DCSTAMP: variants seen among roughly 807,000 people sequenced by gnomAD.
The protein encoded by DCSTAMP is dendrocyte expressed seven transmembrane protein.
In DCSTAMP, 25 loss-of-function variants were observed where a neutral mutation model predicts 33.8. That is an observed-to-expected ratio of 0.74 (90% CI 0.54 to 1.03). The LOEUF is 1.03. DCSTAMP is among the 50% of genes least tolerant of loss of function. The pLI is 0.00. For missense variants in DCSTAMP, 531 were observed against 556.8 expected (o/e 0.95, Z 0.47); for synonymous variants, 245 against 216.7 (o/e 1.13, Z -1.15).
chr8:104,344,097 T>C (rs928330037), intron 1 of DCSTAMP, among the ~76,000 whole-genome samples: 1 of 152,190 alleles, frequency 6.6e-6, no homozygotes, highest in Admixed American at 6.5e-5. Context: ...GGTGGAAAAC[T>C]GGGGGTCTCC....
intron 2 of DCSTAMP, 128 bp from the exon 3 acceptor site, chr8:104,354,749 T>A (rs765107497): frequency 3.1e-5 from 19 of 622,922 alleles, no homozygotes; most frequent in Non-Finnish European, 5.0e-5. Context: ...GAAGATGTGA[T>A]AGTTCCTTTG....
In DCSTAMP at chr8:104,348,888, A is replaced by G. The variant is rs376823624; in HGVS notation, c.336A>G (p.Glu112=). 33 of 1,614,116 alleles carry G rather than the reference A, an allele frequency of 2.0e-5. No individual in the cohort carries two copies. The highest frequency in any genetic ancestry group is 4.0e-5 in the African/African-American group (3 of 74,938). Residue 112 remains glutamate, a synonymous_variant, in exon 2 of 4, where the codon GAA becomes GAG. Coordinates refer to ENST00000297581, the MANE Select transcript of DCSTAMP (RefSeq NM_030788.4). ...GTGIVILGHV[E]NIFHNFKGLL... is the part of the protein sequence containing the mutation. ...GGATCGTCATCTTGGGACACGTAGA[A>G]AATATTTTTCACAACTTTAAAGGTC...
chr8:104,346,703 A>T (rs964927393), intron 1 of DCSTAMP, among the ~76,000 whole-genome samples: 1 of 152,198 alleles, frequency 6.6e-6, no homozygotes, highest in African/African-American at 2.4e-5. Flanking sequence ...TTCCATTCAG[A>T]TTATATGGCA....
chr8:104,349,155 A>G lies in DCSTAMP; in HGVS notation c.603A>G (p.Ala201=). 1 of 1,614,212 alleles carries G rather than the reference A, an allele frequency of 6.2e-7. No individual in the cohort carries two copies. The highest frequency in any genetic ancestry group is 8.5e-7 in the Non-Finnish European group (1 of 1,180,036). The change falls in exon 2 of 4, where the codon GCA becomes GCG. Residue 201 remains alanine, a synonymous_variant. Transcript: ENST00000297581. ...TCCTGAGCGTCTTGTACCAGATGGC[A>G]ACAACCACAGAGGTGTTGTCCTCCC... is the stretch of plus-strand genomic sequence containing the variant. ...GEVLSVLYQM[A]TTTEVLSSLG...
At chr8:104,345,162 C>G (rs1810271972) in intron 1 of DCSTAMP, among the ~76,000 whole-genome samples, 1 of 151,956 alleles carries the variant, frequency 6.6e-6, no homozygotes, top group East Asian at 1.9e-4. Flanking sequence ...AATGGACATT[C>G]TTCATTTTCT....
At chr8:104,349,804 G>A (rs1240192113) in intron 2 of DCSTAMP, among the ~76,000 whole-genome samples, 1 of 152,202 alleles carries the variant, frequency 6.6e-6, no homozygotes, top group African/African-American at 2.4e-5. Flanking sequence ...TGTGGCTGCT[G>A]TGACAAATGG....
intron 1 of DCSTAMP, among the ~76,000 whole-genome samples, chr8:104,345,259 C>T (rs1418983396): frequency 6.6e-6 from 1 of 152,084 alleles, no homozygotes; most frequent in Admixed American, 6.6e-5. Flanking sequence ...TAAGGTTCCC[C>T]TCATTAAACC....
intron 2 of DCSTAMP, among the ~76,000 whole-genome samples, chr8:104,350,556 C>T (rs1010069793): frequency 1.4e-4 from 22 of 152,310 alleles, no homozygotes; most frequent in East Asian, 5.8e-4. Context: ...AGCTACACTT[C>T]GGTTTTTTGA....
At chr8:104,343,258 C>T (rs2099383263) in intron 1 of DCSTAMP, among the ~76,000 whole-genome samples, 1 of 152,082 alleles carries the variant, frequency 6.6e-6, no homozygotes, top group South Asian at 2.1e-4. Context: ...CTCTCTCAGC[C>T]CCAGTTTCCT....
chr8:104,343,004 A>G (rs2099383207), intron 1 of DCSTAMP, among the ~76,000 whole-genome samples: 1 of 152,186 alleles, frequency 6.6e-6, no homozygotes, highest in Non-Finnish European at 1.5e-5. Flanking sequence ...AGAGGAGGGG[A>G]GGACCCTGGA....
chr8:104,351,510 C>T (rs773517324), intron 2 of DCSTAMP, among the ~76,000 whole-genome samples: 7 of 152,186 alleles, frequency 4.6e-5, no homozygotes, highest in African/African-American at 9.7e-5. Flanking sequence ...AATGACTGCT[C>T]CATAGGCAGA....
At chr8:104,347,660 T>C (rs1254432249) in intron 1 of DCSTAMP, among the ~76,000 whole-genome samples, 1 of 152,218 alleles carries the variant, frequency 6.6e-6, no homozygotes, top group Non-Finnish European at 1.5e-5. Flanking sequence ...TGGTCTAGGA[T>C]GGCCTCTCTC....
intron 1 of DCSTAMP, among the ~76,000 whole-genome samples, chr8:104,340,757 T>C (rs2099382661): frequency 6.6e-6 from 1 of 152,314 alleles, no homozygotes; most frequent in Middle Eastern, 3.4e-3. Flanking sequence ...CGTTTGGCGC[T>C]CTTTTCCTGT....
chr8:104,350,305 C>G (rs1302374832), intron 2 of DCSTAMP, among the ~76,000 whole-genome samples: 1 of 152,154 alleles, frequency 6.6e-6, no homozygotes, highest in Non-Finnish European at 1.5e-5. Flanking sequence ...CCGGCGTGAA[C>G]CTAAGAGACA....
intron 1 of DCSTAMP, among the ~76,000 whole-genome samples, chr8:104,341,972 C>T (rs1004622494): frequency 4.6e-5 from 7 of 151,978 alleles, no homozygotes; most frequent in African/African-American, 1.7e-4. Flanking sequence ...ACATTATTGA[C>T]AATGGAGGCA....
At chr8:104,353,848 C>G (rs1810536463) in intron 2 of DCSTAMP, among the ~76,000 whole-genome samples, 1 of 152,226 alleles carries the variant, frequency 6.6e-6, no homozygotes, top group Non-Finnish European at 1.5e-5. Context: ...GCACCCCAGT[C>G]TATAAGGCTA....
At chr8:104,342,439 A>G (rs2099383071) in intron 1 of DCSTAMP, among the ~76,000 whole-genome samples, 1 of 152,226 alleles carries the variant, frequency 6.6e-6, no homozygotes, top group African/African-American at 2.4e-5. Flanking sequence ...AAAAAATAAA[A>G]GTCAGAAAAT....
chr8:104,356,073 T>TA (rs779965454), intron 3 of DCSTAMP, 51 bp from the exon 4 acceptor site: 22 of 1,544,504 alleles, frequency 1.4e-5, no homozygotes, highest in Non-Finnish European at 1.9e-5. Flanking sequence ...CAGAGGCATT[T>TA]AAAATGACTC....
In DCSTAMP at chr8:104,354,857, A is replaced by G. The variant is rs773674368; in HGVS notation, c.1030-20A>G. On this transcript the variant is annotated intron_variant, in intron 2 of 3. Transcript: ENST00000297581. ...TACAAAAATGGCATGCATCATGATTATTTTATTCTTTCATTTTAGAAACAA... is the reference window on the plus strand; with the variant it reads ...TACAAAAATGGCATGCATCATGATTGTTTTATTCTTTCATTTTAGAAACAA... 1 of 1,514,290 alleles carries G rather than the reference A, an allele frequency of 6.6e-7. No homozygotes were observed. The highest frequency in any genetic ancestry group is 1.2e-5 in the South Asian group (1 of 83,490). The allele number at this position is 1,514,290 out of a possible 1,614,324, so 93.8% of individuals were successfully genotyped here. A position where few individuals can be genotyped will look rare whatever the true frequency, so the allele number is the denominator to read the frequency against.
Sources: gnomAD v4.1 joint callset for allele counts (sites outside exome capture counted in the v4.1 genomes callset) on GRCh38, gnomAD v4.1.1 for gene constraint, MANE v1.5 for transcripts, NCBI Gene and HGNC (gene_info 2026-07-23, HGNC 2026-07-21) for gene names.